Variants in UBR2 observed in about 807,000 individuals in gnomAD.
UBR2 encodes E3 ubiquitin-protein ligase UBR2.
Under a neutral mutation model 247.9 loss-of-function variants are expected in UBR2, and 92 were observed. That is an observed-to-expected ratio of 0.37 (90% confidence interval 0.31 to 0.44). UBR2 has a LOEUF of 0.44. UBR2 is among the 20% of genes least tolerant of loss of function. The probability of loss-of-function intolerance (pLI) is 1.00; values close to 1 mark genes in which losing one functional copy is unlikely to be tolerated. For missense variants in UBR2, 1,613 were observed against 2,112.6 expected (o/e 0.76, Z 4.64); for synonymous variants, 672 against 693.5 (o/e 0.97, Z 0.49).
At chr6:42,590,906 A>G (rs1194152542) in intron 2 of UBR2, among the ~76,000 whole-genome samples, 1 of 152,252 alleles carries the variant, frequency 6.6e-6, no homozygotes, top group Non-Finnish European at 1.5e-5. Context: ...GAACAATTAC[A>G]AATTAATCTG....
At chr6:42,577,602 A>G (rs1470637167) in intron 2 of UBR2, among the ~76,000 whole-genome samples, 1 of 152,202 alleles carries the variant, frequency 6.6e-6, no homozygotes. Context: ...ATATTTTGAC[A>G]TTTTTTATAA....
intron 9 of UBR2, 69 bp downstream of exon 9, chr6:42,615,247 A>G: frequency 1.7e-6 from 2 of 1,207,358 alleles, no homozygotes; most frequent in Non-Finnish European, 2.3e-6. Flanking sequence ...AAAGGTTTTT[A>G]TCATTTGGGA....
chr6:42,671,715 T>C (rs1798452354), intron 36 of UBR2, among the ~76,000 whole-genome samples: 1 of 152,192 alleles, frequency 6.6e-6, no homozygotes, highest in Non-Finnish European at 1.5e-5. Context: ...TGGCTTTCTT[T>C]CTGCCTCTGT....
Position 42,674,123 on chromosome 6 carries a change from T to C in UBR2, c.4184-3T>C. ...GCTAATGTATTTCTCTTTAAATCTG[T>C]AGCACTGGTGCCTAATGACAGCCAT... On this transcript the variant is annotated splice_polypyrimidine_tract_variant and splice_region_variant and intron_variant, in intron 37 of 46. Transcript: ENST00000372901. 1 of 1,613,046 alleles carries C rather than the reference T, an allele frequency of 6.2e-7. No individual in the cohort carries two copies. The highest frequency in any genetic ancestry group is 8.5e-7 in the Non-Finnish European group (1 of 1,179,592).
At chr6:42,620,499 T>G (rs9717813) in intron 11 of UBR2, 2 of 88,264 alleles carry the variant, frequency 2.3e-5, no homozygotes, top group African/African-American at 7.1e-5. Context: ...TTTTTGTTTT[T>G]GTTTTTGTTT....
At chr6:42,653,427 A>G (rs1397611542) in intron 25 of UBR2, among the ~76,000 whole-genome samples, 5 of 151,940 alleles carry the variant, frequency 3.3e-5, no homozygotes, top group Non-Finnish European at 5.9e-5. Flanking sequence ...AGCCGTTCGT[A>G]CACTATCTCA....
Position 42,564,401 on chromosome 6 carries a change from A to AGTGCCGGAACCCGGGCGG in UBR2, c.78+9_78+26dup. ...TTCGGCCGAGGAGATTGCGGGGGTG[A>AGTGCCGGAACCCGGGCGG]GTGCCGGAACCCGGGCGGGTGCGTC... On this transcript the variant is annotated splice_donor_region_variant and intron_variant, in intron 1 of 46. Coordinates refer to ENST00000372901, the MANE Select transcript of UBR2 (RefSeq NM_001363705.2). 1 of 1,608,442 alleles carries AGTGCCGGAACCCGGGCGG rather than the reference A, an allele frequency of 6.2e-7. No homozygotes were observed. Among genetic ancestry groups the AGTGCCGGAACCCGGGCGG allele is most frequent in the Non-Finnish European group, 8.5e-7 (1 of 1,177,744 alleles).
At chr6:42,673,712 G>A (rs1798567665) in intron 36 of UBR2, 79 bp from the exon 37 acceptor site, 1 of 970,246 alleles carries the variant, frequency 1.0e-6, no homozygotes, top group Non-Finnish European at 1.6e-6. Context: ...TGTGCATCCA[G>A]CTGTGCTCTG....
intron 1 of UBR2, among the ~76,000 whole-genome samples, chr6:42,565,306 C>CA (rs1201741485): frequency 6.6e-6 from 1 of 152,204 alleles, no homozygotes; most frequent in Non-Finnish European, 1.5e-5. Context: ...GCTTGGGCCC[C>CA]ACCTCTAAGA....
At chr6:42,582,349 A>G (rs1791966860) in intron 2 of UBR2, among the ~76,000 whole-genome samples, 1 of 151,840 alleles carries the variant, frequency 6.6e-6, no homozygotes, top group Non-Finnish European at 1.5e-5. Context: ...ACACCATAAG[A>G]TAGGCCTTCT....
intron 4 of UBR2, 38 bp from the exon 5 acceptor site, chr6:42,603,549 CT>C (rs1267171469): frequency 3.3e-5 from 50 of 1,501,478 alleles, no homozygotes; most frequent in African/African-American, 5.7e-5. Context: ...CATGATTGCC[CT>C]TTTTTTCTTT....
intron 9 of UBR2, 70 bp downstream of exon 9, chr6:42,615,248 T>A: frequency 8.3e-7 from 1 of 1,210,364 alleles, no homozygotes; most frequent in Non-Finnish European, 1.2e-6. Flanking sequence ...AAGGTTTTTA[T>A]CATTTGGGAA....
At chr6:42,667,997 G>C (rs1304498468) in intron 34 of UBR2, among the ~76,000 whole-genome samples, 5 of 151,874 alleles carry the variant, frequency 3.3e-5, no homozygotes, top group African/African-American at 1.2e-4. Context: ...GACCTCAGGT[G>C]ATCCACCCGC....
chr6:42,649,357 C>T (rs1796976452), intron 22 of UBR2, among the ~76,000 whole-genome samples: 1 of 152,114 alleles, frequency 6.6e-6, no homozygotes, highest in Non-Finnish European at 1.5e-5. Flanking sequence ...TAACCTCTTC[C>T]CTATAATACA....
chr6:42,597,188 C>A (rs1793030084), intron 4 of UBR2, among the ~76,000 whole-genome samples: 1 of 152,138 alleles, frequency 6.6e-6, no homozygotes, highest in Non-Finnish European at 1.5e-5. Context: ...TAAGAAGACA[C>A]CAGCAAGCTC....
At chr6:42,665,724 C>T (rs895835202) in intron 33 of UBR2, among the ~76,000 whole-genome samples, 2 of 151,938 alleles carry the variant, frequency 1.3e-5, no homozygotes, top group Non-Finnish European at 2.9e-5. Context: ...ATAAACACTT[C>T]TCACTTATTC....
chr6:42,581,003 ATTTTTTT>A (rs58396471), intron 2 of UBR2, among the ~76,000 whole-genome samples: 7 of 62,632 alleles, frequency 1.1e-4, no homozygotes, highest in East Asian at 8.0e-4. Flanking sequence ...TGGTTCTAGA[ATTTTTTT>A]TTTTTTTTTT....
intron 21 of UBR2, among the ~76,000 whole-genome samples, chr6:42,646,466 G>GTT (rs1312909357): frequency 6.6e-6 from 1 of 152,110 alleles, no homozygotes; most frequent in African/African-American, 2.4e-5. Flanking sequence ...GTGCCCCACT[G>GTT]TATTATTTCC....
chr6:42,616,828 CAG>C lies in UBR2; in HGVS notation c.1183-579_1183-578del, dbSNP rs373562248. 4.0e-3 allele frequency among the ~76,000 whole-genome samples: 609 copies of C among 152,196 alleles called. 1 individual carries two copies. Among genetic ancestry groups the C allele is most frequent in the African/African-American group, 0.014 (566 of 41,520 alleles). ...TGTTCCATTCTCAAATCTACTGAAA[CAG>C]ATTCACCAAGAATGGCGGCCCAAGC... is the stretch of plus-strand genomic sequence containing the variant. On this transcript the variant is annotated intron_variant, in intron 10 of 46. Transcript: ENST00000372901.
Sources: allele counts gnomAD v4.1 joint callset (sites outside exome capture counted in the v4.1 genomes callset), GRCh38; gene constraint gnomAD v4.1.1; transcripts MANE v1.5; gene names NCBI Gene and HGNC (gene_info 2026-07-23, HGNC 2026-07-21).